PM20D2: variants seen among roughly 807,000 people sequenced by gnomAD.
PM20D2 encodes peptidase M20 domain containing 2, also known as xaa-Arg dipeptidase.
A neutral mutation model predicts 42.9 loss-of-function variants in PM20D2; 33 were observed. That is an observed-to-expected ratio of 0.77 (90% CI 0.58 to 1.03). The LOEUF is 1.03. Ranked by LOEUF, PM20D2 falls within the 50% of genes least tolerant of loss-of-function variation. The pLI is 0.00. For synonymous variants in PM20D2, 250 were observed against 228.2 expected (o/e 1.10, Z -0.86); for missense variants, 548 against 557.0 (o/e 0.98, Z 0.16).
At chr6:89,131,459 G>GA in the PM20D2 span, among the ~76,000 whole-genome samples, 96,367 of 151,586 alleles carry the variant, frequency 0.64, 31,615 homozygotes, top group South Asian at 0.76. Flanking sequence ...AGACTGAGGC[G>GA]GGAAGATAAT....
chr6:89,134,649 G>A, the PM20D2 span, among the ~76,000 whole-genome samples: 55 of 151,212 alleles, frequency 3.6e-4, no homozygotes, highest in Non-Finnish European at 6.3e-4. Context: ...CCACAACTGG[G>A]GGAACTTGAA....
At chr6:89,141,658 G>A (rs992754148), upstream of PM20D2, among the ~76,000 whole-genome samples, 4 of 152,030 alleles carry the variant, frequency 2.6e-5, no homozygotes, top group East Asian at 3.9e-4. Flanking sequence ...GAGCCACCAC[G>A]CCTGGCCTGC....
chr6:89,131,427 C>T, the PM20D2 span, among the ~76,000 whole-genome samples: 8 of 141,166 alleles, frequency 5.7e-5, no homozygotes, highest in Non-Finnish European at 1.1e-4. Context: ...GTGGCTCACA[C>T]CTGTAATCTC....
chr6:89,134,561 A>G, the PM20D2 span, among the ~76,000 whole-genome samples: 1 of 151,096 alleles, frequency 6.6e-6, no homozygotes, highest in African/African-American at 2.5e-5. Context: ...TCCTCAAACC[A>G]CTTGAAGAAT....
At chr6:89,125,362 C>T in the PM20D2 span, among the ~76,000 whole-genome samples, 2 of 151,998 alleles carry the variant, frequency 1.3e-5, no homozygotes, top group Non-Finnish European at 2.9e-5. Flanking sequence ...CGCCTGTAGT[C>T]CCAGCTACTC....
At chr6:89,151,758 T>C (rs1272738103) in intron 2 of PM20D2, among the ~76,000 whole-genome samples, 1 of 152,164 alleles carries the variant, frequency 6.6e-6, no homozygotes, top group Non-Finnish European at 1.5e-5. Flanking sequence ...CATATAATCC[T>C]TCTCGTTTTT....
chr6:89,149,489 G>A (rs757409762), intron 2 of PM20D2, 76 bp downstream of exon 2: 97 of 1,473,922 alleles, frequency 6.6e-5, no homozygotes, highest in Admixed American at 1.3e-4. Context: ...AACCAGAGAC[G>A]AAAACTCCAC....
Position 89,161,840 on chromosome 6 carries a change from A to C in PM20D2, c.1106A>C (p.His369Pro). 1 of 1,613,856 alleles carries C rather than the reference A, an allele frequency of 6.2e-7. No homozygotes were observed. Among genetic ancestry groups the C allele is most frequent in the Non-Finnish European group, 8.5e-7 (1 of 1,179,704 alleles). The part of the protein sequence containing the change: ...FVVPGIHPYF[H>P]IGSNALNHTE... ...GTTCCTGGAATTCATCCATATTTTC[A>C]CATTGGATCTAATGCCTTGAATCAT... The change falls in exon 6 of 7, where the codon CAC becomes CCC. Residue 369 changes from histidine to proline, a missense_variant. His to Pro is a moderately conservative substitution (Grantham distance 77). This residue lies in a region of PM20D2 where 7 missense variants were observed against 22.9 expected (regional missense o/e 0.31). Transcript: ENST00000275072.
the PM20D2 span, among the ~76,000 whole-genome samples, chr6:89,111,569 TG>T: frequency 6.6e-6 from 1 of 152,224 alleles, no homozygotes; most frequent in Non-Finnish European, 1.5e-5. Context: ...GTATTTTCTA[TG>T]TAAGCAAATA....
chr6:89,108,793 T>A, the PM20D2 span, among the ~76,000 whole-genome samples: 4 of 152,226 alleles, frequency 2.6e-5, no homozygotes, highest in Admixed American at 6.5e-5. Flanking sequence ...TATATGCATA[T>A]TAATTAGTGT....
chr6:89,107,093 C>A, the PM20D2 span: 1 of 1,351,458 alleles, frequency 7.4e-7, no homozygotes, highest in Non-Finnish European at 1.1e-6. Context: ...CTACTGAATA[C>A]ATATATGTAT....
upstream of PM20D2, among the ~76,000 whole-genome samples, chr6:89,142,750 C>T (rs572736120): frequency 1.0e-3 from 156 of 152,244 alleles, 1 homozygote; most frequent in African/African-American, 3.7e-3. Flanking sequence ...CTCCACCTCC[C>T]GGGTTCACGC....
At chr6:89,105,475 C>T in the PM20D2 span, 39 of 1,612,012 alleles carry the variant, frequency 2.4e-5, no homozygotes, top group Non-Finnish European at 3.1e-5. Context: ...CGGCCACATA[C>T]CCACTTTCTA....
At chr6:89,105,589 C>A in the PM20D2 span, 2 of 1,209,118 alleles carry the variant, frequency 1.7e-6, no homozygotes, top group South Asian at 1.8e-5. Flanking sequence ...ATTTTAAAAG[C>A]ATTATTTACA....
the PM20D2 span, among the ~76,000 whole-genome samples, chr6:89,126,668 TAAAAAA>T: frequency 9.6e-6 from 1 of 104,660 alleles, no homozygotes; most frequent in South Asian, 3.6e-4. Context: ...AGACTCCATC[TAAAAAA>T]AAAAAAAAAA....
At chr6:89,126,063 G>A in the PM20D2 span, among the ~76,000 whole-genome samples, 4 of 151,718 alleles carry the variant, frequency 2.6e-5, no homozygotes, top group Admixed American at 6.6e-5. Context: ...TGCAGCCGGG[G>A]CGACAGAGTG....
chr6:89,146,745 A>C, intron 1 of PM20D2, 136 bp downstream of exon 1: 6 of 675,094 alleles, frequency 8.9e-6, no homozygotes, highest in Non-Finnish European at 1.1e-5. Flanking sequence ...ACCGCGCTAA[A>C]CCTGCGGTCC....
chr6:89,154,896 G>A lies in PM20D2; in HGVS notation c.906G>A (p.Gly302=). The A allele has an allele frequency of 6.3e-7, 1 of 1,588,016 alleles. No individual in the cohort carries two copies. ...DCFRAAALAS[G]CTVEIKGGAH... ...TCAGAGCTGCAGCTTTGGCTTCAGGGTGCACAGTAAGAACTTTTAAAAGTT... is the reference window on the plus strand; with the variant it reads ...TCAGAGCTGCAGCTTTGGCTTCAGGATGCACAGTAAGAACTTTTAAAAGTT... Residue 302 remains glycine, a synonymous_variant, in exon 4 of 7, where the codon GGG becomes GGA. Coordinates refer to ENST00000275072, the MANE Select transcript of PM20D2 (RefSeq NM_001010853.3).
the PM20D2 span, among the ~76,000 whole-genome samples, chr6:89,119,207 A>T: frequency 6.6e-6 from 1 of 152,226 alleles, no homozygotes; most frequent in African/African-American, 2.4e-5. Context: ...CACCGTGCCT[A>T]TTCCCCTAGA....
Sources: gnomAD v4.1 joint callset for allele counts (sites outside exome capture counted in the v4.1 genomes callset) on GRCh38, gnomAD v4.1.1 for gene constraint, gnomAD v4.1.1 regional missense constraint, MANE v1.5 for transcripts, NCBI Gene and HGNC (gene_info 2026-07-23, HGNC 2026-07-21) for gene names.